The following PTCHD4 variants were observed in gnomAD, a reference collection of about 807,000 sequenced individuals.
PTCHD4 encodes the protein patched domain-containing protein 4.
PTCHD4 carries 33 observed loss-of-function variants against 58.1 expected under a neutral mutation model. The ratio of observed to expected loss-of-function variants is 0.57; its 90% CI spans 0.43 to 0.76. PTCHD4 has a LOEUF of 0.76. Among genes scored for constraint, PTCHD4 ranks in the 30% least tolerant of loss-of-function variants. The probability of loss-of-function intolerance (pLI) is 0.00; values close to 1 mark genes in which losing one functional copy is unlikely to be tolerated. For missense variants in PTCHD4, 1,058 were observed against 1,027.1 expected (o/e 1.03, Z -0.41); for synonymous variants, 478 against 409.6 (o/e 1.17, Z -2.02).
At chr6:48,089,012 C>G (rs1245373133) in intron 1 of PTCHD4, among the ~76,000 whole-genome samples, 1 of 152,098 alleles carries the variant, frequency 6.6e-6, no homozygotes, top group Non-Finnish European at 1.5e-5. Flanking sequence ...CACCATTGCA[C>G]TCCAGCCTAG....
At chr6:47,924,849 C>T (rs1765546418) in intron 4 of PTCHD4, among the ~76,000 whole-genome samples, 1 of 152,072 alleles carries the variant, frequency 6.6e-6, no homozygotes, top group African/African-American at 2.4e-5. Context: ...CTCGTAAACA[C>T]CCTCTCCCCA....
Position 47,878,571 on chromosome 6 carries a change from G to T in PTCHD4, c.2264C>A (p.Ala755Asp), listed in dbSNP as rs773851197. Residue 755 changes from alanine (A) to aspartate (D), a missense_variant, in exon 5 of 5, where the codon GCC (alanine) becomes GAC (aspartate). Physicochemically the swap from Ala to Asp is moderately radical, Grantham distance 126 (BLOSUM62 -2). Coordinates refer to ENST00000339488, the MANE Select transcript of PTCHD4 (RefSeq NM_001384253.1). Reference protein sequence around the residue: ...IKSSLQDHGTAILQNVTSFLI... With the variant: ...IKSSLQDHGTDILQNVTSFLI... ...AAAAGAAGTAACATTTTGCAAAATG[G>T]CTGTCCCATGGTCTTGCAAGGAGCT... The T allele has an allele frequency of 1.2e-5, 20 of 1,613,510 alleles. No individual in the cohort carries two copies. The highest frequency in any genetic ancestry group is 7.7e-5 in the South Asian group (7 of 91,056).
At chr6:47,912,705 T>C (rs1053076483) in intron 4 of PTCHD4, among the ~76,000 whole-genome samples, 15 of 152,110 alleles carry the variant, frequency 9.9e-5, no homozygotes, top group East Asian at 9.6e-4. Flanking sequence ...GGGAGATAAT[T>C]TGAGGTAAAA....
At chr6:47,931,078 C>T (rs1191733050) in intron 4 of PTCHD4, among the ~76,000 whole-genome samples, 1 of 152,264 alleles carries the variant, frequency 6.6e-6, no homozygotes, top group Non-Finnish European at 1.5e-5. Flanking sequence ...AGCCACCGCA[C>T]CCGGCCGAGC....
intron 3 of PTCHD4, among the ~76,000 whole-genome samples, chr6:48,035,613 T>C (rs1368241802): frequency 1.3e-5 from 2 of 152,160 alleles, no homozygotes; most frequent in African/African-American, 4.8e-5. Flanking sequence ...GGCTTTTGGA[T>C]TTCCATGTTC....
At chr6:48,086,170 A>C (rs1765260117) in intron 1 of PTCHD4, among the ~76,000 whole-genome samples, 1 of 152,218 alleles carries the variant, frequency 6.6e-6, no homozygotes, top group South Asian at 2.1e-4. Flanking sequence ...CTCGACTCTG[A>C]TGTAGTGGTG....
intron 3 of PTCHD4, among the ~76,000 whole-genome samples, chr6:48,048,613 A>G (rs559976515): frequency 6.6e-6 from 1 of 151,940 alleles, no homozygotes; most frequent in African/African-American, 2.4e-5. Flanking sequence ...CCTTTGTGCC[A>G]GTGACTAGGT....
rs570111650 is a variant in PTCHD4 at position 47,913,889 on chromosome 6, C to A, written c.899-33953G>T. On this transcript the variant is annotated intron_variant, in intron 4 of 4. Transcript: ENST00000339488. ...TTCAGAAACTTGCTCTTTTAAAAAGCATCTAGGCAATTCTGATGCAGGTTA... is the reference window on the plus strand; with the variant it reads ...TTCAGAAACTTGCTCTTTTAAAAAGAATCTAGGCAATTCTGATGCAGGTTA... Among the ~76,000 whole-genome samples the A allele has an allele frequency of 1.3e-5, 2 of 152,230 alleles. 1 individual carries two copies. The highest frequency in any genetic ancestry group is 4.1e-4 in the South Asian group (2 of 4,822).
chr6:47,945,925 G>A (rs1446956074), intron 4 of PTCHD4, among the ~76,000 whole-genome samples: 1 of 151,396 alleles, frequency 6.6e-6, no homozygotes, highest in Non-Finnish European at 1.5e-5. Flanking sequence ...TTCTTAAGTA[G>A]TATTTTGTTA....
At chr6:47,903,522 C>T (rs1764778943) in intron 4 of PTCHD4, among the ~76,000 whole-genome samples, 1 of 152,104 alleles carries the variant, frequency 6.6e-6, no homozygotes, top group Admixed American at 6.5e-5. Context: ...ACCATGTTGC[C>T]TAGGCTAGTC....
intron 4 of PTCHD4, among the ~76,000 whole-genome samples, chr6:47,960,983 A>G (rs1363416641): frequency 6.7e-6 from 1 of 149,348 alleles, no homozygotes; most frequent in Non-Finnish European, 1.5e-5. Flanking sequence ...AAAAAAAAAG[A>G]GACAGTGTCT....
intron 4 of PTCHD4, among the ~76,000 whole-genome samples, chr6:47,927,861 G>T (rs891242411): frequency 2.6e-5 from 4 of 151,586 alleles, no homozygotes; most frequent in African/African-American, 4.8e-5. Context: ...GGGCTCAAGC[G>T]ATCCATCTGC....
At chr6:47,957,646 G>T (rs187267742) in intron 4 of PTCHD4, among the ~76,000 whole-genome samples, 222 of 150,248 alleles carry the variant, frequency 1.5e-3, no homozygotes, top group Non-Finnish European at 2.8e-3. Flanking sequence ...TGTCACCCAG[G>T]CTGGAGTGCA....
intron 4 of PTCHD4, chr6:47,901,987 C>T: frequency 3.4e-6 from 4 of 1,160,358 alleles, no homozygotes; most frequent in Non-Finnish European, 4.7e-6. Context: ...ATATTTCTAG[C>T]CTCACTCATA....
At chr6:47,894,783 A>T (rs916113757) in intron 4 of PTCHD4, among the ~76,000 whole-genome samples, 1 of 152,234 alleles carries the variant, frequency 6.6e-6, no homozygotes, top group Non-Finnish European at 1.5e-5. Context: ...TTCCATCTTG[A>T]TAATGTCCAT....
At chr6:48,062,944 C>T (rs1764680547) in intron 3 of PTCHD4, among the ~76,000 whole-genome samples, 2 of 152,098 alleles carry the variant, frequency 1.3e-5, no homozygotes, top group Non-Finnish European at 1.5e-5. Flanking sequence ...ACATTGGTGA[C>T]GAGACTTGCC....
intron 4 of PTCHD4, among the ~76,000 whole-genome samples, chr6:47,919,582 G>A (rs572745755): frequency 6.6e-6 from 1 of 152,146 alleles, no homozygotes; most frequent in African/African-American, 2.4e-5. Context: ...CCCAGGCCAT[G>A]AGCGTGCTTA....
rs996869020 is a variant in PTCHD4, at chr6:47,862,103, T to G, written c.*16200A>C. ...AACATTTGGTAAGAGATATTTGACT[T>G]ACATATTGTGTGTAACTCTGATTGG... is the stretch of plus-strand genomic sequence containing the variant. On this transcript the variant is annotated 3_prime_UTR_variant, in exon 5 of 5. Transcript: ENST00000339488. Among the ~76,000 whole-genome samples the G allele has an allele frequency of 5.3e-5, 8 of 151,968 alleles. No homozygotes were observed. The highest frequency in any genetic ancestry group is 1.9e-4 in the African/African-American group (8 of 41,438).
intron 4 of PTCHD4, among the ~76,000 whole-genome samples, chr6:47,944,405 G>A (rs753692174): frequency 5.3e-5 from 8 of 152,068 alleles, no homozygotes; most frequent in East Asian, 1.9e-4. Flanking sequence ...ATTCTAGCAG[G>A]TGAATATGTT....
Sources: gnomAD v4.1 joint callset for allele counts (sites outside exome capture counted in the v4.1 genomes callset) on GRCh38, gnomAD v4.1.1 for gene constraint, MANE v1.5 for transcripts, NCBI Gene and HGNC (gene_info 2026-07-23, HGNC 2026-07-21) for gene names.